The following GDAP1 variants were observed in gnomAD, a reference collection of about 807,000 sequenced individuals.
GDAP1 encodes the protein ganglioside induced differentiation associated protein 1.
Under a neutral mutation model 40.1 loss-of-function variants are expected in GDAP1, and 34 were observed. That is an observed-to-expected ratio of 0.85 (90% CI 0.64 to 1.13). The LOEUF is 1.13. Among genes scored for constraint, GDAP1 ranks in the 50% most tolerant of loss-of-function variants. The pLI is 0.00. For synonymous variants in GDAP1, 170 were observed against 157.4 expected (o/e 1.08, Z -0.60); for missense variants, 374 against 433.7 (o/e 0.86, Z 1.22).
At chr8:74,370,167 A>G (rs372897898), downstream of GDAP1, among the ~76,000 whole-genome samples, 1 of 152,362 alleles carries the variant, frequency 6.6e-6, no homozygotes, top group East Asian at 1.9e-4. Context: ...ATGGCAAATA[A>G]TGGGTACATA....
Position 74,360,208 on chromosome 8 carries a change from C to T in GDAP1, c.382C>T (p.Leu128Phe). 1 of 1,613,340 alleles carries T rather than the reference C, an allele frequency of 6.2e-7. No homozygotes were observed. The highest frequency in any genetic ancestry group is 8.5e-7 in the Non-Finnish European group (1 of 1,179,250). Residue 128 changes from leucine to phenylalanine, a missense_variant, in exon 3 of 6, where the codon CTT (leucine) becomes TTT (phenylalanine). Leu to Phe is a conservative substitution (Grantham distance 22). Transcript: ENST00000220822. Reference protein sequence around the residue: ...YPRVQHYRELLDSLPMDAYTH... With the variant: ...YPRVQHYRELFDSLPMDAYTH... ...ACGGGTACAACATTACCGAGAGCTG[C>T]TTGACTCCTTGCCAATGGATGCCTA...
chr8:74,480,659 C>A (rs978701132), intron 2 of GDAP1, among the ~76,000 whole-genome samples: 1 of 152,174 alleles, frequency 6.6e-6, no homozygotes, highest in Admixed American at 6.5e-5. Flanking sequence ...ATGTGTTGGT[C>A]AAATTTGAAA....
Position 74,351,352 on chromosome 8 carries a change from C to T in GDAP1, c.196C>T (p.Pro66Ser), listed in dbSNP as rs773136934. The T allele has an allele frequency of 1.2e-6, 2 of 1,613,832 alleles. No homozygotes were observed. The highest frequency in any genetic ancestry group is 1.3e-5 in the African/African-American group (1 of 75,026). Residue 66 changes from proline to serine, a missense_variant, in exon 2 of 6, where the codon CCT (proline) becomes TCT (serine). By Grantham distance (74) the Pro-to-Ser change is moderately conservative. Transcript: ENST00000220822. Reference sequence around the variant, plus strand: ...TCTGCCCTTGAGTGAGCACAATGAGCCTTGGTTTATGCGTTTGAACTCAAC... The same window carrying T: ...TCTGCCCTTGAGTGAGCACAATGAGTCTTGGTTTATGCGTTTGAACTCAAC... ...VSLPLSEHNE[P>S]WFMRLNSTGE...
chr8:74,366,627 G>A lies in GDAP1; in HGVS notation c.*2260G>A, dbSNP rs1356097186. ...TATCACAATTAGAAAAATGCCTGAGGTACTAAAGTTATGTTGGCTTTTTGT... is the reference window on the plus strand; with the variant it reads ...TATCACAATTAGAAAAATGCCTGAGATACTAAAGTTATGTTGGCTTTTTGT... On this transcript the variant is annotated 3_prime_UTR_variant, in exon 6 of 6. Coordinates refer to ENST00000220822, the MANE Select transcript of GDAP1 (RefSeq NM_018972.4). The A allele has an allele frequency of 2.2e-6, 1 of 453,852 alleles. No individual in the cohort carries two copies. The highest frequency in any genetic ancestry group is 4.4e-6 in the Non-Finnish European group (1 of 226,646). 28.1% of individuals were successfully genotyped at this position (453,852 alleles called of 1,614,324 possible).
At chr8:74,373,512 T>C (rs1165293693) in intron 2 of GDAP1, among the ~76,000 whole-genome samples, 20 of 152,186 alleles carry the variant, frequency 1.3e-4, no homozygotes, top group Non-Finnish European at 2.6e-4. Context: ...TTATTCTCTT[T>C]GAAGCAATTG....
chr8:74,444,654 G>C (rs1806206943), intron 2 of GDAP1, among the ~76,000 whole-genome samples: 1 of 152,086 alleles, frequency 6.6e-6, no homozygotes, highest in South Asian at 2.1e-4. Flanking sequence ...AAATTGAAGG[G>C]AAAAAAGAAC....
chr8:74,463,013 T>C, intron 2 of GDAP1, among the ~76,000 whole-genome samples: 1 of 149,178 alleles, frequency 6.7e-6, no homozygotes, highest in Non-Finnish European at 1.5e-5. Context: ...AGACAGTACA[T>C]GAAAGCTTAG....
chr8:74,381,423 G>A (rs1197164264), intron 2 of GDAP1, among the ~76,000 whole-genome samples: 1 of 152,012 alleles, frequency 6.6e-6, no homozygotes, highest in East Asian at 1.9e-4. Flanking sequence ...AAGATTCATA[G>A]ATATGTATAT....
chr8:74,407,018 T>C lies in GDAP1; in HGVS notation c.165+55697T>C, dbSNP rs1586824928. 3.3e-5 allele frequency among the ~76,000 whole-genome samples: 5 copies of C among 150,072 alleles called. 1 individual carries two copies. Among genetic ancestry groups the C allele is most frequent in the Admixed American group, 3.3e-4 (5 of 15,244 alleles). Reference sequence around the variant, plus strand: ...AATATAATTTTGTCTGCTGACATAATTCTTCATTGGAGTTGGCATACTTGA... The same window carrying C: ...AATATAATTTTGTCTGCTGACATAACTCTTCATTGGAGTTGGCATACTTGA... On this transcript the variant is annotated intron_variant, in intron 2 of 2. Transcript: ENST00000523640.
intron 2 of GDAP1, among the ~76,000 whole-genome samples, chr8:74,378,091 GA>G (rs1809888707): frequency 6.6e-6 from 1 of 152,208 alleles, no homozygotes. Flanking sequence ...TGTCTGACAT[GA>G]GTGAGAGTCC....
chr8:74,440,691 T>C (rs991368928), intron 2 of GDAP1, among the ~76,000 whole-genome samples: 1 of 152,032 alleles, frequency 6.6e-6, no homozygotes, highest in African/African-American at 2.4e-5. Context: ...GAGTTAATCA[T>C]GCCTGCTACA....
At chr8:74,397,605 A>C in intron 2 of GDAP1, among the ~76,000 whole-genome samples, 1 of 152,110 alleles carries the variant, frequency 6.6e-6, no homozygotes, top group Non-Finnish European at 1.5e-5. Flanking sequence ...CCATTTATTA[A>C]ATAGGGAATC....
intron 2 of GDAP1, among the ~76,000 whole-genome samples, chr8:74,396,123 A>G (rs568109911): frequency 3.0e-4 from 45 of 152,268 alleles, no homozygotes; most frequent in African/African-American, 1.0e-3. Flanking sequence ...GAGTTCTACA[A>G]TAGAAACACT....
chr8:74,387,451 G>A (rs554530447), intron 2 of GDAP1, among the ~76,000 whole-genome samples: 333 of 152,268 alleles, frequency 2.2e-3, no homozygotes, highest in African/African-American at 7.5e-3. Context: ...TGTGGTTTTT[G>A]TCATTGGTTC....
chr8:74,385,169 T>C (rs999227130), intron 2 of GDAP1, among the ~76,000 whole-genome samples: 7 of 152,128 alleles, frequency 4.6e-5, no homozygotes, highest in Non-Finnish European at 8.8e-5. Flanking sequence ...ATAGGTGGTA[T>C]ATAGATCTTT....
intron 2 of GDAP1, among the ~76,000 whole-genome samples, chr8:74,433,759 G>A (rs1316803175): frequency 1.3e-5 from 2 of 152,122 alleles, no homozygotes; most frequent in East Asian, 1.9e-4. Context: ...GCCACATCCC[G>A]AAGAGAGTAG....
rs80167228 is a variant in GDAP1, at chr8:74,414,812, A to G, written c.165+63491A>G. On this transcript the variant is annotated intron_variant, in intron 2 of 2. Coordinates refer to the GDAP1 transcript ENST00000523640. ...AACCTCCCAAATTTAGTGAAACACA[A>G]AGCCTATAGCTTCAAGAAACTCCAT... Among the ~76,000 whole-genome samples the G allele has an allele frequency of 7.8e-3, 1,172 of 150,124 alleles. 136 individuals are homozygous for G. Among genetic ancestry groups the G allele is most frequent in the African/African-American group, 0.028 (1,123 of 39,450 alleles).
chr8:74,382,118 A>G (rs1269806805), intron 2 of GDAP1, among the ~76,000 whole-genome samples: 1 of 152,010 alleles, frequency 6.6e-6, no homozygotes, highest in Non-Finnish European at 1.5e-5. Flanking sequence ...TACTTCACAT[A>G]TTTCAATCTG....
chr8:74,403,140 A>G (rs1326128356), intron 2 of GDAP1, among the ~76,000 whole-genome samples: 1 of 150,136 alleles, frequency 6.7e-6, no homozygotes, highest in East Asian at 1.9e-4. Context: ...TGGGAGAGTC[A>G]TTCTCTGGGT....
Sources: gnomAD v4.1 joint callset for allele counts (sites outside exome capture counted in the v4.1 genomes callset) on GRCh38, gnomAD v4.1.1 for gene constraint, MANE v1.5 for transcripts, NCBI Gene and HGNC (gene_info 2026-07-23, HGNC 2026-07-21) for gene names.